The following PSMF1 variants were observed in gnomAD, a reference collection of about 807,000 sequenced individuals.
PSMF1 encodes the protein proteasome inhibitor PI31 subunit.
PSMF1 carries 30 observed loss-of-function variants against 29.3 expected under a neutral mutation model. The observed-to-expected ratio is 1.02, with a 90% CI of 0.77 to 1.39. The LOEUF is 1.39. PSMF1 is among the 40% of genes most tolerant of loss of function. The pLI is 0.00. For missense variants in PSMF1, 344 were observed against 357.5 expected (o/e 0.96, Z 0.31); for synonymous variants, 134 against 139.7 (o/e 0.96, Z 0.29).
chr20:1,127,525 T>A lies in PSMF1; in HGVS notation c.365+17T>A. The stretch of plus-strand genomic sequence containing the variant: ...CTTCCACAGGTACTTCTAAATGATG[T>A]CTCTTCCCTGGGAAAAAGAAGAGAG... On this transcript the variant is annotated intron_variant, in intron 3 of 6. Transcript: ENST00000335877. 1 of 1,550,468 alleles carries A rather than the reference T, an allele frequency of 6.4e-7. No homozygotes were observed.
rs911294188 is a variant in PSMF1 at position 1,165,630 on chromosome 20, A to G, written c.*550A>G. ...TTTATTAATTGCCATTGCTCCTGAC[A>G]TCACTAAGATGGGTCCCCTTCTGGC... On this transcript the variant is annotated 3_prime_UTR_variant, in exon 7 of 7. Coordinates refer to ENST00000335877, the MANE Select transcript of PSMF1 (RefSeq NM_006814.5). 4.1e-5 allele frequency: 41 copies of G among 996,352 alleles called. No individual in the cohort carries two copies. Among genetic ancestry groups the G allele is most frequent in the Non-Finnish European group, 4.8e-5 (40 of 836,116 alleles). 61.7% of individuals were successfully genotyped at this position (996,352 alleles called of 1,614,324 possible).
chr20:1,130,801 G>A (rs1367591926), intron 3 of PSMF1, among the ~76,000 whole-genome samples: 1 of 152,126 alleles, frequency 6.6e-6, no homozygotes, highest in Non-Finnish European at 1.5e-5. Flanking sequence ...GTGCCACCAT[G>A]CCCAGCCAGT....
At chr20:1,125,456 T>C (rs572084828) in intron 1 of PSMF1, 42 bp from the exon 2 acceptor site, 1 of 1,555,584 alleles carries the variant, frequency 6.4e-7, no homozygotes, top group East Asian at 2.3e-5. Flanking sequence ...GTTCTGTGTT[T>C]TGAGTTCATG....
intron 1 of PSMF1, among the ~76,000 whole-genome samples, chr20:1,123,434 A>G (rs2086115415): frequency 6.6e-6 from 1 of 152,210 alleles, no homozygotes; most frequent in African/African-American, 2.4e-5. Context: ...ATATACATCC[A>G]TGAAAAAAGA....
chr20:1,133,571 T>TATATATATATATATA (rs1568469077), intron 3 of PSMF1, among the ~76,000 whole-genome samples: 4 of 44,106 alleles, frequency 9.1e-5, no homozygotes, highest in Admixed American at 2.3e-4. Flanking sequence ...ATATATATAT[T>TATATATATATATATA]TTTTTTTTTT....
rs933178965 is a variant in PSMF1 at position 1,166,155 on chromosome 20, G to A, written c.*1075G>A. 18 of 1,590,662 alleles carry A rather than the reference G, an allele frequency of 1.1e-5. No individual in the cohort carries two copies. In the East Asian group the frequency reaches 1.1e-4, roughly 10 times the overall value. Reference sequence around the variant, plus strand: ...GCCTCTGAGTGTGGTGTTGAACTTCGGGAGGAGCAGGGAGCCCTGCACCTT... The same window carrying A: ...GCCTCTGAGTGTGGTGTTGAACTTCAGGAGGAGCAGGGAGCCCTGCACCTT... On this transcript the variant is annotated 3_prime_UTR_variant, in exon 7 of 7. Coordinates refer to ENST00000335877, the MANE Select transcript of PSMF1 (RefSeq NM_006814.5).
intron 3 of PSMF1, among the ~76,000 whole-genome samples, chr20:1,128,778 T>C (rs1462464600): frequency 6.6e-6 from 1 of 152,208 alleles, no homozygotes; most frequent in African/African-American, 2.4e-5. Context: ...TCACCCAGGC[T>C]GGAGTACAGT....
At position 1,125,595 on chromosome 20, in the gene PSMF1, G is replaced by A. The variant is rs758071069; in HGVS notation, c.227G>A (p.Arg76Lys). 1.2e-6 allele frequency: 2 copies of A among 1,614,132 alleles called. No homozygotes were observed. The highest frequency in any genetic ancestry group is 1.7e-6 in the Non-Finnish European group (2 of 1,180,002). The stretch of plus-strand genomic sequence containing the variant: ...CGGTATGAGTATAAGGATGGGTCCA[G>A]AAAGCTCCTTGTGAAAGCCATCACC... ...VLRYEYKDGS[R>K]KLLVKAITVE... is the part of the protein sequence containing the mutation. The change falls in exon 2 of 7, where the codon AGA becomes AAA. Residue 76 changes from arginine (R) to lysine (K), a missense_variant. Physicochemically the swap from Arg to Lys is conservative, Grantham distance 26 (BLOSUM62 2). Coordinates refer to ENST00000335877, the MANE Select transcript of PSMF1 (RefSeq NM_006814.5).
rs181663182 is a variant in PSMF1 at position 1,166,643 on chromosome 20, G to C, written c.*1563G>C. The stretch of plus-strand genomic sequence containing the variant: ...AGTCCCCATGGCAAGCAGTGATTTA[G>C]TAAAACACCCCAGAGTCAGGGAAGC... On this transcript the variant is annotated 3_prime_UTR_variant, in exon 7 of 7. Coordinates refer to ENST00000335877, the MANE Select transcript of PSMF1 (RefSeq NM_006814.5). 4.4e-6 allele frequency: 1 copy of C among 228,932 alleles called. No individual in the cohort carries two copies. Among genetic ancestry groups the C allele is most frequent in the African/African-American group, 2.2e-5 (1 of 45,078 alleles). The allele number at this position is 228,932 out of a possible 1,614,324, so 14.2% of individuals were successfully genotyped here.
intron 4 of PSMF1, among the ~76,000 whole-genome samples, chr20:1,153,493 G>T (rs1181725141): frequency 1.3e-5 from 2 of 151,872 alleles, no homozygotes; most frequent in African/African-American, 4.8e-5. Context: ...GTGCTTTTAA[G>T]GGTTCCCATG....
chr20:1,126,210 T>C (rs961331313), intron 2 of PSMF1, among the ~76,000 whole-genome samples: 8 of 152,358 alleles, frequency 5.3e-5, no homozygotes, highest in African/African-American at 1.9e-4. Flanking sequence ...TCATTGCAGC[T>C]TGTAATTGTG....
At chr20:1,120,494 C>G (rs1242700027) in intron 1 of PSMF1, among the ~76,000 whole-genome samples, 1 of 152,190 alleles carries the variant, frequency 6.6e-6, no homozygotes, top group Non-Finnish European at 1.5e-5. Context: ...AGACAGCACC[C>G]CCATTTCAGC....
intron 4 of PSMF1, among the ~76,000 whole-genome samples, chr20:1,149,273 A>G (rs1424664167): frequency 6.6e-6 from 1 of 152,242 alleles, no homozygotes; most frequent in Non-Finnish European, 1.5e-5. Flanking sequence ...GGTTAGTTGT[A>G]ATGTGGAATC....
At chr20:1,131,097 C>T (rs770222328) in intron 3 of PSMF1, among the ~76,000 whole-genome samples, 5 of 152,178 alleles carry the variant, frequency 3.3e-5, no homozygotes, top group Non-Finnish European at 7.3e-5. Context: ...CTGGGTGTTG[C>T]ACACTCCCTG....
rs184779847 is a variant in PSMF1 at position 1,169,770 on chromosome 20, C to G, written c.*4690C>G. On this transcript the variant is annotated 3_prime_UTR_variant, in exon 7 of 7. Transcript: ENST00000335877. ...TCCAAGTTCAAGGCTCAATTGAATGCGTCTGGTTGTTGGAACCTACATGGC... is the reference window on the plus strand; with the variant it reads ...TCCAAGTTCAAGGCTCAATTGAATGGGTCTGGTTGTTGGAACCTACATGGC... Among the ~76,000 whole-genome samples the G allele has an allele frequency of 6.6e-6, 1 of 152,160 alleles. No homozygotes were observed. The highest frequency in any genetic ancestry group is 1.5e-5 in the Non-Finnish European group (1 of 68,030).
At chr20:1,137,820 T>A (rs1045472686) in intron 4 of PSMF1, among the ~76,000 whole-genome samples, 6 of 152,228 alleles carry the variant, frequency 3.9e-5, no homozygotes, top group Non-Finnish European at 7.3e-5. Context: ...ATTCTGCTTA[T>A]GTTAAAAAAA....
intron 1 of PSMF1, 74 bp downstream of exon 1, chr20:1,118,976 C>T (rs1033067686): frequency 1.5e-5 from 23 of 1,542,532 alleles, no homozygotes; most frequent in Middle Eastern, 1.7e-4. Context: ...GAGGCCTGGT[C>T]CAGAGCGCCC....
chr20:1,133,392 GTTGA>G (rs1045695167), intron 3 of PSMF1, among the ~76,000 whole-genome samples: 6 of 150,472 alleles, frequency 4.0e-5, no homozygotes, highest in Non-Finnish European at 8.9e-5. Flanking sequence ...GGTAGATTAC[GTTGA>G]TTGATTTGTG....
rs1303055874 is a variant in PSMF1 at position 1,164,252 on chromosome 20, C to T, written c.606-66C>T. 2 of 1,488,828 alleles carry T rather than the reference C, an allele frequency of 1.3e-6. No individual in the cohort carries two copies. Among genetic ancestry groups the T allele is most frequent in the Middle Eastern group, 1.7e-4 (1 of 5,804 alleles). 92.2% of individuals were successfully genotyped at this position (1,488,828 alleles called of 1,614,324 possible). ...AGCCATTCTTGGTGCATTGTAACCT[C>T]CCTCGCCTTTTCTCCAAGGGCAGTC... On this transcript the variant is annotated intron_variant, in intron 5 of 6. Transcript: ENST00000335877. The surrounding 1 kb of genome is among the most constrained non-coding windows in gnomAD (Gnocchi z 4.1).
Sources: gnomAD v4.1 joint callset for allele counts (sites outside exome capture counted in the v4.1 genomes callset) on GRCh38, gnomAD v4.1.1 for gene constraint, Gnocchi (gnomAD v3.1) non-coding constraint, MANE v1.5 for transcripts, NCBI Gene and HGNC (gene_info 2026-07-23, HGNC 2026-07-21) for gene names.